The following AFAP1 variants were observed in gnomAD, a reference collection of about 807,000 sequenced individuals.
The protein encoded by AFAP1 is actin filament-associated protein 1.
Under a neutral mutation model 93.9 loss-of-function variants are expected in AFAP1, and 75 were observed. That is an observed-to-expected ratio of 0.80 (90% CI 0.66 to 0.97). AFAP1 has a LOEUF of 0.97. AFAP1 is among the 50% of genes least tolerant of loss of function. The probability of loss-of-function intolerance (pLI) is 0.00; values close to 1 mark genes in which losing one functional copy is unlikely to be tolerated. For synonymous variants in AFAP1, 517 were observed against 430.7 expected, an observed-to-expected ratio of 1.20 and a Z score of -2.48; for missense variants, 1,201 against 1,050.8, an observed-to-expected ratio of 1.14 and a Z score of -1.98.
intron 10 of AFAP1, among the ~76,000 whole-genome samples, chr4:7,796,119 AC>A (rs1718396171): frequency 6.6e-6 from 1 of 152,128 alleles, no homozygotes; most frequent in South Asian, 2.1e-4. Flanking sequence ...TACTGAAAAG[AC>A]CCAGGAGCTC....
intron 4 of AFAP1, among the ~76,000 whole-genome samples, 174 bp from the exon 5 acceptor site, chr4:7,843,524 G>A (rs1713311081): frequency 6.6e-6 from 1 of 152,162 alleles, no homozygotes; most frequent in South Asian, 2.1e-4. Context: ...ACAATGCTAA[G>A]ACTTGGGCAG....
At chr4:7,788,305 G>T (rs571396396) in intron 11 of AFAP1, among the ~76,000 whole-genome samples, 2 of 152,254 alleles carry the variant, frequency 1.3e-5, no homozygotes, top group African/African-American at 4.8e-5. Flanking sequence ...GAGAAACACA[G>T]GGGCAAGTGA....
intron 4 of AFAP1, among the ~76,000 whole-genome samples, chr4:7,849,458 T>A (rs964296775): frequency 6.6e-6 from 1 of 152,208 alleles, no homozygotes; most frequent in Non-Finnish European, 1.5e-5. Flanking sequence ...TGAGCACATA[T>A]TACCTGCCAG....
chr4:7,854,925 C>T (rs1409248253), intron 4 of AFAP1, among the ~76,000 whole-genome samples: 1 of 152,188 alleles, frequency 6.6e-6, no homozygotes, highest in Admixed American at 6.5e-5. Flanking sequence ...CTTCTGAGTG[C>T]TACCAGCAGG....
chr4:7,800,969 T>A (rs1210723599), intron 9 of AFAP1, among the ~76,000 whole-genome samples: 2 of 152,192 alleles, frequency 1.3e-5, no homozygotes, highest in East Asian at 3.9e-4. Flanking sequence ...CGTGAGAAGT[T>A]AGCAAGCCAT....
intron 1 of AFAP1, among the ~76,000 whole-genome samples, chr4:7,921,372 CAG>C (rs997097383): frequency 2.6e-5 from 4 of 151,772 alleles, no homozygotes; most frequent in African/African-American, 7.3e-5. Context: ...TTAGCAGAGA[CAG>C]GGGTTTCACC....
intron 9 of AFAP1, among the ~76,000 whole-genome samples, chr4:7,801,738 A>G (rs1394246406): frequency 2.6e-5 from 4 of 152,034 alleles, no homozygotes; most frequent in Admixed American, 2.6e-4. Flanking sequence ...AATGTCACAC[A>G]TACCCCTACC....
intron 6 of AFAP1, among the ~76,000 whole-genome samples, chr4:7,825,685 A>T (rs563187034): frequency 1.3e-4 from 20 of 152,320 alleles, no homozygotes; most frequent in African/African-American, 4.6e-4. Context: ...AAGTTGCGAT[A>T]ATTACAGCAA....
intron 1 of AFAP1, among the ~76,000 whole-genome samples, chr4:7,883,909 G>A (rs1468216968): frequency 6.6e-6 from 1 of 152,040 alleles, no homozygotes; most frequent in South Asian, 2.1e-4. Flanking sequence ...AATATATTTC[G>A]AGCAATAGCA....
intron 2 of AFAP1, among the ~76,000 whole-genome samples, chr4:7,871,111 T>A (rs1347681195): frequency 2.0e-5 from 3 of 152,186 alleles, no homozygotes; most frequent in Non-Finnish European, 4.4e-5. Context: ...CTCATAAGGC[T>A]CTGATGCTCT....
intron 14 of AFAP1, chr4:7,775,324 AAAAACG>A (rs1446091090): frequency 1.3e-5 from 2 of 155,780 alleles, no homozygotes; most frequent in African/African-American, 2.4e-5. Flanking sequence ...TCAAATTCTT[AAAAACG>A]AAAACAGAAT....
At chr4:7,933,036 A>C (rs988388503) in intron 1 of AFAP1, among the ~76,000 whole-genome samples, 1 of 149,720 alleles carries the variant, frequency 6.7e-6, no homozygotes, top group East Asian at 1.9e-4. Flanking sequence ...AAAAAAAAAA[A>C]AAAAGGGGGG....
intron 10 of AFAP1, among the ~76,000 whole-genome samples, chr4:7,799,819 C>A (rs1718852983): frequency 6.6e-6 from 1 of 152,180 alleles, no homozygotes; most frequent in South Asian, 2.1e-4. Flanking sequence ...TGAGTTTTAA[C>A]TGTCTTTTCT....
intron 2 of AFAP1, among the ~76,000 whole-genome samples, chr4:7,871,598 G>A (rs184798792): frequency 1.2e-3 from 178 of 152,298 alleles, no homozygotes; most frequent in Middle Eastern, 3.4e-3. Context: ...TCTCCCTTCC[G>A]ATCTGCCAGT....
chr4:7,799,116 A>C lies in AFAP1; in HGVS notation c.1266+1326T>G, dbSNP rs147384109. 48 of 983,178 alleles carry C rather than the reference A, an allele frequency of 4.9e-5. No homozygotes were observed. The African/African-American group carries it at 7.5e-4, about 15-fold the overall frequency. The allele number at this position is 983,178 out of a possible 1,614,324, so 60.9% of individuals were successfully genotyped here. ...CATTCGTGTTTTACGGTGGGTAAAG[A>C]AGCTGAGAGAGAACAAAAGCTTTGG... On this transcript the variant is annotated intron_variant, in intron 10 of 17. Coordinates refer to ENST00000420658, the MANE Select transcript of AFAP1 (RefSeq NM_001134647.2).
chr4:7,863,670 G>A (rs1716014021), intron 3 of AFAP1, among the ~76,000 whole-genome samples: 1 of 152,136 alleles, frequency 6.6e-6, no homozygotes, highest in Non-Finnish European at 1.5e-5. Flanking sequence ...CAGGTGGAAA[G>A]ACGCACCATG....
chr4:7,857,307 C>A (rs1409155043), intron 3 of AFAP1, among the ~76,000 whole-genome samples: 1 of 152,100 alleles, frequency 6.6e-6, no homozygotes, highest in Non-Finnish European at 1.5e-5. Context: ...TCTCTGAAGC[C>A]AAGAAGTCCT....
At chr4:7,806,627 C>A (rs912477496) in intron 9 of AFAP1, among the ~76,000 whole-genome samples, 1 of 152,152 alleles carries the variant, frequency 6.6e-6, no homozygotes, top group Non-Finnish European at 1.5e-5. Flanking sequence ...CTGCCTGAAA[C>A]TTTGCAGCTG....
chr4:7,840,873 G>A (rs532875588), intron 5 of AFAP1, among the ~76,000 whole-genome samples: 3 of 152,278 alleles, frequency 2.0e-5, no homozygotes, highest in Admixed American at 1.3e-4. Context: ...CTTTTTAATC[G>A]ACATGTAATA....
Sources: allele counts gnomAD v4.1 joint callset (sites outside exome capture counted in the v4.1 genomes callset), GRCh38; gene constraint gnomAD v4.1.1; transcripts MANE v1.5; gene names NCBI Gene and HGNC (gene_info 2026-07-23, HGNC 2026-07-21).